NTM: variants seen among roughly 807,000 people sequenced by gnomAD.
NTM encodes the protein neurotrimin.
A neutral mutation model predicts 42.1 loss-of-function variants in NTM; 13 were observed. That is an observed-to-expected ratio of 0.31 (90% CI 0.20 to 0.49). The LOEUF (loss-of-function observed/expected upper bound fraction) is 0.49, where lower values mean the gene tolerates loss of function less well. NTM is among the 20% of genes least tolerant of loss of function. NTM has a pLI of 0.99. For synonymous variants in NTM, 187 were observed against 179.2 expected (o/e 1.04, Z -0.35); for missense variants, 373 against 452.8 (o/e 0.82, Z 1.60).
In NTM at chr11:131,883,448, A is replaced by T. The variant is rs986542794; in HGVS notation, c.83-28116A>T. 3.7e-4 allele frequency among the ~76,000 whole-genome samples: 56 copies of T among 152,286 alleles called. 1 individual carries two copies. The highest frequency in any genetic ancestry group is 1.2e-3 in the African/African-American group (51 of 41,576). The stretch of plus-strand genomic sequence containing the variant: ...GTCCAGATCACAGAGAGATTCTCAG[A>T]CACCTTTGAGTTATGGCCATAGTCA... On this transcript the variant is annotated intron_variant, in intron 1 of 8. Transcript: ENST00000683400.
At chr11:131,825,577 A>G (rs1054489611) in intron 1 of NTM, among the ~76,000 whole-genome samples, 2 of 152,172 alleles carry the variant, frequency 1.3e-5, no homozygotes, top group African/African-American at 4.8e-5. Context: ...CAACCTCTGC[A>G]CTGTATGGGA....
intron 2 of NTM, among the ~76,000 whole-genome samples, chr11:132,030,744 A>C (rs2075806878): frequency 6.6e-6 from 1 of 152,230 alleles, no homozygotes; most frequent in African/African-American, 2.4e-5. Context: ...AAAGGGAACA[A>C]AAGCAGGAGT....
intron 1 of NTM, among the ~76,000 whole-genome samples, chr11:131,882,514 G>A (rs1044048819): frequency 6.6e-6 from 1 of 152,222 alleles, no homozygotes; most frequent in African/African-American, 2.4e-5. Flanking sequence ...ATATCTGGAT[G>A]CTGTGGCCCA....
chr11:132,048,645 T>A lies in NTM; in HGVS notation c.168-97637T>A, dbSNP rs527800785. 3.3e-5 allele frequency among the ~76,000 whole-genome samples: 5 copies of A among 152,250 alleles called. No individual in the cohort carries two copies. The East Asian group carries it at 9.7e-4, about 30-fold the overall frequency. On this transcript the variant is annotated intron_variant, in intron 2 of 8. Transcript: ENST00000683400. ...TGTGTCAAGATACAACCACAGTGGC[T>A]CAGGGACCCAGAAGTTGAGAATCCC...
intron 2 of NTM, among the ~76,000 whole-genome samples, chr11:131,933,241 C>G (rs779988164): frequency 2.6e-5 from 4 of 152,200 alleles, no homozygotes; most frequent in Non-Finnish European, 4.4e-5. Flanking sequence ...GTGCGTGGGG[C>G]CCTGGGGCAG....
At chr11:131,471,805 T>G (rs1027012493) in intron 1 of NTM, among the ~76,000 whole-genome samples, 1 of 152,200 alleles carries the variant, frequency 6.6e-6, no homozygotes, top group South Asian at 2.1e-4. Flanking sequence ...GTCTGGGGAC[T>G]GGGGTTGTAG....
At chr11:131,885,741 A>G (rs1425384926) in intron 1 of NTM, among the ~76,000 whole-genome samples, 2 of 152,202 alleles carry the variant, frequency 1.3e-5, no homozygotes, top group Non-Finnish European at 2.9e-5. Flanking sequence ...TGGAATAACT[A>G]GATACATTTG....
At chr11:131,965,932 A>G (rs1486122693) in intron 2 of NTM, among the ~76,000 whole-genome samples, 21 of 73,678 alleles carry the variant, frequency 2.9e-4, no homozygotes, top group Non-Finnish European at 2.5e-5. Flanking sequence ...GGAGGGAGGG[A>G]GGGAAGGGGG....
intron 1 of NTM, among the ~76,000 whole-genome samples, chr11:131,554,964 A>G (rs1365223439): frequency 6.6e-6 from 1 of 152,124 alleles, no homozygotes; most frequent in African/African-American, 2.4e-5. Flanking sequence ...AGCAAAACAA[A>G]AGACCTTAGG....
intron 2 of NTM, among the ~76,000 whole-genome samples, chr11:131,938,638 C>G (rs1593025499): frequency 6.6e-6 from 1 of 152,126 alleles, no homozygotes; most frequent in African/African-American, 2.4e-5. Flanking sequence ...ATGTATGATG[C>G]AAAAGGTGGG....
intron 3 of NTM, among the ~76,000 whole-genome samples, chr11:132,171,309 A>G (rs902384465): frequency 6.6e-6 from 1 of 152,164 alleles, no homozygotes; most frequent in Non-Finnish European, 1.5e-5. Flanking sequence ...ACAAAGTACC[A>G]TAGACTGGGT....
intron 1 of NTM, among the ~76,000 whole-genome samples, chr11:131,625,017 TGTAA>T (rs2062963400): frequency 6.6e-6 from 1 of 152,214 alleles, no homozygotes; most frequent in Non-Finnish European, 1.5e-5. Flanking sequence ...CTTGCTGGGT[TGTAA>T]GTAACAACCT....
chr11:132,133,735 G>A lies in NTM; in HGVS notation c.168-12547G>A, dbSNP rs536131673. 3.9e-4 allele frequency among the ~76,000 whole-genome samples: 60 copies of A among 152,290 alleles called. 1 individual carries two copies. The highest frequency in any genetic ancestry group is 1.4e-3 in the African/African-American group (58 of 41,570). On this transcript the variant is annotated intron_variant, in intron 2 of 8. Transcript: ENST00000683400. ...GAAAGGCAACTCCCAGGAAGAGGACGTTTCCATGCTTCTGTTTCTGGCAGT... is the reference window on the plus strand; with the variant it reads ...GAAAGGCAACTCCCAGGAAGAGGACATTTCCATGCTTCTGTTTCTGGCAGT...
At chr11:132,062,001 A>T (rs1448151190) in intron 2 of NTM, among the ~76,000 whole-genome samples, 1 of 152,148 alleles carries the variant, frequency 6.6e-6, no homozygotes, top group South Asian at 2.1e-4. Flanking sequence ...AACATCTTCC[A>T]CTAACCATGC....
intron 2 of NTM, among the ~76,000 whole-genome samples, chr11:131,921,362 C>T (rs1481794939): frequency 6.6e-6 from 1 of 152,080 alleles, no homozygotes; most frequent in East Asian, 1.9e-4. Context: ...TAGTGATGCA[C>T]CCACAAGCCA....
intron 2 of NTM, among the ~76,000 whole-genome samples, chr11:132,139,022 A>G (rs540926079): frequency 9.2e-5 from 14 of 152,312 alleles, no homozygotes; most frequent in African/African-American, 2.9e-4. Context: ...CCAATGGCAG[A>G]TGGAGTCCAG....
At chr11:131,451,597 T>A (rs1950494880) in intron 1 of NTM, among the ~76,000 whole-genome samples, 1 of 152,196 alleles carries the variant, frequency 6.6e-6, no homozygotes. Flanking sequence ...CATGGTCATC[T>A]GGACATTTTG....
At chr11:131,746,648 G>A (rs903349800) in intron 1 of NTM, among the ~76,000 whole-genome samples, 1 of 152,156 alleles carries the variant, frequency 6.6e-6, no homozygotes, top group Non-Finnish European at 1.5e-5. Flanking sequence ...AGTATGCAGA[G>A]ACATTAATAA....
intron 1 of NTM, among the ~76,000 whole-genome samples, chr11:131,756,006 A>G (rs557635468): frequency 6.6e-6 from 1 of 152,346 alleles, no homozygotes; most frequent in South Asian, 2.1e-4. Context: ...TTCTGGAAAC[A>G]ATTTAAAATT....
Sources: gnomAD v4.1 joint callset for allele counts (sites outside exome capture counted in the v4.1 genomes callset) on GRCh38, gnomAD v4.1.1 for gene constraint, MANE v1.5 for transcripts, NCBI Gene and HGNC (gene_info 2026-07-23, HGNC 2026-07-21) for gene names.